LOC122539214: variants seen among roughly 807,000 people sequenced by gnomAD.
At chr19:52,655,838 G>C in the LOC122539214 span, among the ~76,000 whole-genome samples, 1 of 152,202 alleles carries the variant, frequency 6.6e-6, no homozygotes, top group Non-Finnish European at 1.5e-5. Context: ...TTTTTGTGCA[G>C]TTGCATTTTA....
At chr19:52,690,112 G>A in the LOC122539214 span, among the ~76,000 whole-genome samples, 1 of 152,000 alleles carries the variant, frequency 6.6e-6, no homozygotes, top group Non-Finnish European at 1.5e-5. Context: ...AGGTGCCCAC[G>A]GCGGGAATCC....
the LOC122539214 span, among the ~76,000 whole-genome samples, chr19:52,689,912 G>A: frequency 6.6e-6 from 1 of 152,238 alleles, no homozygotes; most frequent in Non-Finnish European, 1.5e-5. Context: ...CGCGGGCTCA[G>A]GAGAAGCGGT....
At chr19:52,668,001 C>T in the LOC122539214 span, among the ~76,000 whole-genome samples, 5 of 152,164 alleles carry the variant, frequency 3.3e-5, no homozygotes, top group Non-Finnish European at 7.3e-5. Flanking sequence ...AGCAAGAAGG[C>T]ACCAAGGATT....
At chr19:52,658,153 A>G in the LOC122539214 span, among the ~76,000 whole-genome samples, 1 of 147,748 alleles carries the variant, frequency 6.8e-6, no homozygotes, top group African/African-American at 2.5e-5. Context: ...AAAAAAAAAA[A>G]GTAGTGAATA....
At chr19:52,653,101 A>C in the LOC122539214 span, 2 of 1,471,410 alleles carry the variant, frequency 1.4e-6, no homozygotes, top group South Asian at 1.1e-5. Context: ...ATGAATTAGA[A>C]GGGATGAATT....
At chr19:52,681,251 C>T in the LOC122539214 span, among the ~76,000 whole-genome samples, 4 of 128,112 alleles carry the variant, frequency 3.1e-5, no homozygotes, top group Non-Finnish European at 6.3e-5. Context: ...CCACTGCACT[C>T]CAGCCTGGGT....
At chr19:52,659,384 G>C in the LOC122539214 span, among the ~76,000 whole-genome samples, 1 of 152,270 alleles carries the variant, frequency 6.6e-6, no homozygotes, top group Admixed American at 6.5e-5. Context: ...TCAAGCTAAG[G>C]TTTCATCACG....
chr19:52,677,697 G>A, the LOC122539214 span, among the ~76,000 whole-genome samples: 5 of 53,654 alleles, frequency 9.3e-5, no homozygotes, highest in African/African-American at 3.6e-4. Flanking sequence ...GACCACAGGC[G>A]TGAAGAATGA....
the LOC122539214 span, among the ~76,000 whole-genome samples, chr19:52,659,613 CA>C: frequency 0.01 from 1,191 of 114,182 alleles, 18 homozygotes; most frequent in African/African-American, 0.032. Context: ...GACTCCAACT[CA>C]AAAAAAAAAA....
the LOC122539214 span, among the ~76,000 whole-genome samples, chr19:52,682,216 A>T: frequency 3.1e-5 from 4 of 128,094 alleles, no homozygotes; most frequent in African/African-American, 1.7e-4. Flanking sequence ...TTAAAATTAT[A>T]AAAAAAAAAC....
At chr19:52,676,826 C>T in the LOC122539214 span, among the ~76,000 whole-genome samples, 12 of 132,008 alleles carry the variant, frequency 9.1e-5, no homozygotes, top group East Asian at 1.0e-3. Flanking sequence ...TGTGACCTTA[C>T]CCCCAACCCG....
At chr19:52,666,280 G>A in the LOC122539214 span, among the ~76,000 whole-genome samples, 1 of 151,940 alleles carries the variant, frequency 6.6e-6, no homozygotes, top group Non-Finnish European at 1.5e-5. Flanking sequence ...AAAAGAGAGA[G>A]AGAGAGTAGT....
chr19:52,685,921 A>T, the LOC122539214 span, among the ~76,000 whole-genome samples: 104,684 of 149,636 alleles, frequency 0.7, 38,260 homozygotes, highest in African/African-American at 0.91. Context: ...AAAAAAAAAA[A>T]AAAAATACAG....
the LOC122539214 span, among the ~76,000 whole-genome samples, chr19:52,677,819 G>GGA: frequency 6.6e-6 from 1 of 151,944 alleles, no homozygotes; most frequent in Non-Finnish European, 1.5e-5. Flanking sequence ...GGATCATGAG[G>GGA]TCAGGAGTTC....
At chr19:52,653,650 T>C in the LOC122539214 span, among the ~76,000 whole-genome samples, 1 of 152,170 alleles carries the variant, frequency 6.6e-6, no homozygotes, top group Non-Finnish European at 1.5e-5. Flanking sequence ...ATTACACTTG[T>C]AAGGTTTTTC....
the LOC122539214 span, among the ~76,000 whole-genome samples, chr19:52,686,947 C>A: frequency 6.6e-6 from 1 of 151,874 alleles, no homozygotes; most frequent in Non-Finnish European, 1.5e-5. Context: ...TTTGGGAGAT[C>A]GAGGTGAGCA....
the LOC122539214 span, chr19:52,653,175 A>G: frequency 6.7e-7 from 1 of 1,499,874 alleles, no homozygotes; most frequent in Non-Finnish European, 9.2e-7. Flanking sequence ...GAAGTCTACG[A>G]TGGCCCACAA....
the LOC122539214 span, among the ~76,000 whole-genome samples, chr19:52,670,541 C>T: frequency 6.6e-6 from 1 of 152,224 alleles, no homozygotes; most frequent in South Asian, 2.1e-4. Context: ...AGCACCGAAA[C>T]TTTATTTACA....
chr19:52,677,106 C>A, the LOC122539214 span, among the ~76,000 whole-genome samples: 1 of 123,450 alleles, frequency 8.1e-6, no homozygotes. Context: ...CTGTGAGAAA[C>A]ACCCAAGAAT....
Sources: gnomAD v4.1 joint callset for allele counts (sites outside exome capture counted in the v4.1 genomes callset) on GRCh38, gnomAD v4.1.1 for gene constraint, MANE v1.5 for transcripts.